Variants in SLC66A1 observed in about 807,000 individuals in gnomAD.
SLC66A1 encodes the protein solute carrier family 66 member 1.
SLC66A1 carries 23 observed loss-of-function variants against 33.0 expected under a neutral mutation model. The ratio of observed to expected loss-of-function variants is 0.70; its 90% CI spans 0.50 to 0.99. The LOEUF is 0.99. Among genes scored for constraint, SLC66A1 ranks in the 50% least tolerant of loss-of-function variants. The pLI is 0.00. For synonymous variants in SLC66A1, 164 were observed against 175.5 expected (o/e 0.93, Z 0.52); for missense variants, 335 against 383.6 (o/e 0.87, Z 1.06).
intron 1 of SLC66A1, among the ~76,000 whole-genome samples, chr1:19,313,931 C>T (rs901665013): frequency 2.6e-5 from 4 of 152,294 alleles, no homozygotes; most frequent in Admixed American, 1.3e-4. Flanking sequence ...GGAGCAGAAT[C>T]GCTGGAGGGC....
chr1:19,329,819 G>C (rs141181234), downstream of SLC66A1, among the ~76,000 whole-genome samples: 495 of 152,254 alleles, frequency 3.3e-3, 1 homozygote, highest in African/African-American at 0.011. Context: ...CCTGGAGGAG[G>C]TGATAGGTCA....
At position 19,317,799 on chromosome 1, in the gene SLC66A1, T is replaced by C. The variant is rs1229625771; in HGVS notation, c.122T>C (p.Leu41Pro). ...GGCTGGGACGAGGCCAGCGTGGGCC[T>C]GGGCTTGATCTCCATTCTCTGCTTT... ...QDGWDEASVG[L>P]GLISILCFAA... The change falls in exon 2 of 8, where the codon CTG (leucine) becomes CCG (proline). Residue 41 changes from leucine to proline, a missense_variant. Physicochemically the swap from Leu to Pro is moderately conservative, Grantham distance 98. Transcript: ENST00000375153. The C allele has an allele frequency of 6.2e-7, 1 of 1,614,184 alleles. No individual in the cohort carries two copies. Among genetic ancestry groups the C allele is most frequent in the Non-Finnish European group, 8.5e-7 (1 of 1,180,020 alleles).
Position 19,316,600 on chromosome 1 carries a change from C to T in SLC66A1, c.-78-1000C>T, listed in dbSNP as rs981877662. ...GAGACAGCGTTGCCCAGCCTGTTCT[C>T]GAACTCCTGGGCTCAAGTAATCTTT... On this transcript the variant is annotated intron_variant, in intron 1 of 7. Transcript: ENST00000375153. Among the ~76,000 whole-genome samples, 11 of 151,906 alleles carry T rather than the reference C, an allele frequency of 7.2e-5. 1 individual carries two copies. The highest frequency in any genetic ancestry group is 2.4e-4 in the African/African-American group (10 of 41,356).
chr1:19,331,595 G>A (rs144561478), downstream of SLC66A1, among the ~76,000 whole-genome samples: 612 of 152,292 alleles, frequency 4.0e-3, 4 homozygotes, highest in African/African-American at 0.014. Flanking sequence ...TGGCCCTGCC[G>A]AGATTTCAGG....
Position 19,317,699 on chromosome 1 carries a change from T to A in SLC66A1, c.22T>A (p.Ser8Thr), listed in dbSNP as rs775842984. 3.1e-6 allele frequency: 5 copies of A among 1,614,016 alleles called. No homozygotes were observed. The highest frequency in any genetic ancestry group is 3.4e-6 in the Non-Finnish European group (4 of 1,179,978). The stretch of plus-strand genomic sequence containing the variant: ...AGCCATGGTCTGGAAGAAACTGGGC[T>A]CCCGCAACTTCTCCAGCTGCCCCAG... Reference protein sequence around the residue: MVWKKLGSRNFSSCPSGS... With the variant: MVWKKLGTRNFSSCPSGS... The change falls in exon 2 of 8, where the codon TCC (serine) becomes ACC (threonine). Residue 8 changes from serine to threonine, a missense_variant. Physicochemically the swap from Ser to Thr is moderately conservative, Grantham distance 58. Transcript: ENST00000375153.
rs1269755909 is a variant in SLC66A1, at chr1:19,324,676, C to A, written c.208C>A (p.Leu70Met). 1.2e-6 allele frequency: 2 copies of A among 1,614,226 alleles called. No individual in the cohort carries two copies. The highest frequency in any genetic ancestry group is 1.1e-5 in the South Asian group (1 of 91,086). Residue 70 changes from leucine (L) to methionine (M), a missense_variant, in exon 3 of 8, where the codon CTG becomes ATG. Physicochemically the swap from Leu to Met is conservative, Grantham distance 15. Coordinates refer to ENST00000375153, the MANE Select transcript of SLC66A1 (RefSeq NM_001040125.2). ...CAAGACGGGCAACATGGACCAGGCG[C>A]TGTCCCTGTGGTTCCTCCTGGGCTG... ...AYKTGNMDQA[L>M]SLWFLLGWIG...
chr1:19,317,576 A>T, intron 1 of SLC66A1, 24 bp from the exon 2 acceptor site: 2 of 1,520,416 alleles, frequency 1.3e-6, no homozygotes, highest in Non-Finnish European at 1.8e-6. Flanking sequence ...CAGTGCTGAA[A>T]GCCTCCTCCC....
chr1:19,317,493 C>T (rs2093812041), intron 1 of SLC66A1, 107 bp from the exon 2 acceptor site: 3 of 1,342,880 alleles, frequency 2.2e-6, no homozygotes, highest in African/African-American at 1.5e-5. Context: ...TTCTCTGGCT[C>T]AGGGCCAGGA....
chr1:19,320,412 CTTTTTTT>C (rs34520375), intron 2 of SLC66A1, among the ~76,000 whole-genome samples: 4 of 98,628 alleles, frequency 4.1e-5, no homozygotes, highest in Admixed American at 2.4e-4. Flanking sequence ...GGTGGCCTGT[CTTTTTTT>C]TTTTTTTTTT....
downstream of SLC66A1, among the ~76,000 whole-genome samples, chr1:19,333,751 C>G (rs1166063928): frequency 6.6e-6 from 1 of 152,096 alleles, no homozygotes; most frequent in African/African-American, 2.4e-5. This position sits in a 1 kb window ranked among gnomAD's most constrained non-coding sequence, Gnocchi z 4.2. Flanking sequence ...GAGTTCAAGA[C>G]CAGCCTGGGC....
At chr1:19,327,147 A>G in intron 6 of SLC66A1, 80 bp from the exon 7 acceptor site, 1 of 1,357,200 alleles carries the variant, frequency 7.4e-7, no homozygotes, top group Non-Finnish European at 1.0e-6. Flanking sequence ...GTGGTGGGGC[A>G]GGTGGACATG....
At chr1:19,318,545 T>C (rs893922512) in intron 2 of SLC66A1, among the ~76,000 whole-genome samples, 10 of 152,222 alleles carry the variant, frequency 6.6e-5, no homozygotes, top group Non-Finnish European at 1.3e-4. Context: ...ACACAATGTT[T>C]GCACAAGCCT....
At chr1:19,330,893 G>A (rs1244443518), downstream of SLC66A1, among the ~76,000 whole-genome samples, 3 of 152,240 alleles carry the variant, frequency 2.0e-5, no homozygotes, top group Non-Finnish European at 4.4e-5. Flanking sequence ...GGACACCCAC[G>A]GAGCCCAGGA....
rs2093880129 is a variant in SLC66A1, at chr1:19,328,295, C to A, written c.805-277C>A. Among the ~76,000 whole-genome samples the A allele has an allele frequency of 1.3e-5, 2 of 152,188 alleles. No homozygotes were observed. The highest frequency in any genetic ancestry group is 1.3e-4 in the Admixed American group (2 of 15,280). On this transcript the variant is annotated intron_variant, in intron 7 of 7. Coordinates refer to ENST00000375153, the MANE Select transcript of SLC66A1 (RefSeq NM_001040125.2). The surrounding 1 kb of genome is among the most constrained non-coding windows in gnomAD (Gnocchi z 4.7). ...GCCACAGCTGAGAGCAAGCGAAGAT[C>A]CTGGGCCAGGGTCAAGGGAGGCTGC...
intron 7 of SLC66A1, chr1:19,327,678 A>G (rs1404429085): frequency 1.5e-6 from 1 of 664,304 alleles, no homozygotes; most frequent in African/African-American, 1.8e-5. Flanking sequence ...GGGCGCAGAG[A>G]GGACACAACG....
At chr1:19,316,424 G>A (rs1298931595) in intron 1 of SLC66A1, among the ~76,000 whole-genome samples, 5 of 150,460 alleles carry the variant, frequency 3.3e-5, no homozygotes, top group South Asian at 2.1e-4. Flanking sequence ...CAGCTCTGTC[G>A]CCCAGGCTGG....
intron 7 of SLC66A1, chr1:19,327,725 A>G (rs2093876972): frequency 1.9e-6 from 1 of 527,036 alleles, no homozygotes. Flanking sequence ...AGTGGCACCA[A>G]GTGCTGCAGA....
chr1:19,314,148 A>G lies in SLC66A1; in HGVS notation c.-79+1259A>G, dbSNP rs1313514372. Among the ~76,000 whole-genome samples the G allele has an allele frequency of 3.9e-5, 6 of 152,320 alleles. No individual in the cohort carries two copies. In the East Asian group the frequency reaches 1.2e-3, roughly 29 times the overall value. ...GGCCCATGCCTGGCTTCTAGGTGAC[A>G]GGAACTACGCAGGATGGCCCTCAGA... On this transcript the variant is annotated intron_variant, in intron 1 of 7. Coordinates refer to ENST00000375153, the MANE Select transcript of SLC66A1 (RefSeq NM_001040125.2).
rs188658038 is a variant in SLC66A1, at chr1:19,313,351, C to T, written c.-79+462C>T. On this transcript the variant is annotated intron_variant, in intron 1 of 7. Transcript: ENST00000375153. ...TCTCACCCGTTTCCTCTCTTCTTCACTCTGTCCTTCTCTCTACCTCTCTCT... is the reference window on the plus strand; with the variant it reads ...TCTCACCCGTTTCCTCTCTTCTTCATTCTGTCCTTCTCTCTACCTCTCTCT... The T allele has an allele frequency of 2.3e-4, 144 of 634,654 alleles. 1 individual carries two copies. Among genetic ancestry groups the T allele is most frequent in the African/African-American group, 1.6e-3 (80 of 50,228 alleles). The allele number at this position is 634,654 out of a possible 1,614,324, so 39.3% of individuals were successfully genotyped here. A position where few individuals can be genotyped will look rare whatever the true frequency, so the allele number is the denominator to read the frequency against.
Sources: gnomAD v4.1 joint callset for allele counts (sites outside exome capture counted in the v4.1 genomes callset) on GRCh38, gnomAD v4.1.1 for gene constraint, Gnocchi (gnomAD v3.1) non-coding constraint, MANE v1.5 for transcripts, NCBI Gene and HGNC (gene_info 2026-07-23, HGNC 2026-07-21) for gene names.